The following TRPM8 variants were observed in gnomAD, a reference collection of about 807,000 sequenced individuals.
The protein encoded by TRPM8 is TRPM8 cationic channel.
TRPM8 carries 110 observed loss-of-function variants against 133.7 expected under a neutral mutation model. That is an observed-to-expected ratio of 0.82 (90% CI 0.70 to 0.96). The LOEUF is 0.96. TRPM8 is among the 40% of genes least tolerant of loss of function. The pLI is 0.00. For missense variants in TRPM8, 1,291 were observed against 1,379.5 expected (o/e 0.94, Z 1.02); for synonymous variants, 535 against 532.3 (o/e 1.01, Z -0.07).
At chr2:233,996,842 C>T (rs1692417372) in intron 22 of TRPM8, among the ~76,000 whole-genome samples, 1 of 152,188 alleles carries the variant, frequency 6.6e-6, no homozygotes, top group African/African-American at 2.4e-5. Context: ...TTTTGCTTTT[C>T]ATTGTTCCCG....
intron 15 of TRPM8, among the ~76,000 whole-genome samples, chr2:233,967,726 C>T (rs1017418724): frequency 5.3e-5 from 8 of 152,174 alleles, no homozygotes; most frequent in African/African-American, 1.4e-4. Flanking sequence ...ATGCGGAGAG[C>T]GTCTTGCTAT....
chr2:234,005,508 A>G (rs1443437677), intron 22 of TRPM8, among the ~76,000 whole-genome samples: 1 of 152,216 alleles, frequency 6.6e-6, no homozygotes, highest in Non-Finnish European at 1.5e-5. Flanking sequence ...AAGAAAAGAC[A>G]TTGAAACTTC....
chr2:233,918,040 AAAG>A (rs1253782213), intron 1 of TRPM8, among the ~76,000 whole-genome samples: 1 of 152,154 alleles, frequency 6.6e-6, no homozygotes, highest in Admixed American at 6.5e-5. Flanking sequence ...ATGAATAATT[AAAG>A]GTTTTATTTC....
rs1691898074 is a variant in TRPM8, at chr2:233,977,438, C to T, written c.2356-2750C>T. On this transcript the variant is annotated intron_variant, in intron 17 of 25. Coordinates refer to ENST00000324695, the MANE Select transcript of TRPM8 (RefSeq NM_024080.5). ...AGCCTCAGGATTGACCTATTTCCGA[C>T]GTCGCTCTTCATGTAGGTCAGGCTT... 2.0e-5 allele frequency among the ~76,000 whole-genome samples: 3 copies of T among 152,242 alleles called. No individual in the cohort carries two copies. In the South Asian group the frequency reaches 6.2e-4, roughly 32 times the overall value.
At chr2:233,987,687 C>T (rs1219786959) in intron 21 of TRPM8, among the ~76,000 whole-genome samples, 16 of 152,190 alleles carry the variant, frequency 1.1e-4, no homozygotes, top group Admixed American at 9.2e-4. Context: ...GGCTGTGTCC[C>T]CACCCAAATC....
chr2:233,922,451 TTC>T (rs1174408734), intron 1 of TRPM8, among the ~76,000 whole-genome samples: 1 of 152,204 alleles, frequency 6.6e-6, no homozygotes, highest in Non-Finnish European at 1.5e-5. Context: ...GCTCATTTAT[TTC>T]TCTTTGGTTC....
chr2:233,972,593 G>T (rs1377297176), intron 17 of TRPM8, among the ~76,000 whole-genome samples: 1 of 152,252 alleles, frequency 6.6e-6, no homozygotes, highest in Non-Finnish European at 1.5e-5. Context: ...ATGGTGGGCT[G>T]CAGGTCCCGA....
intron 17 of TRPM8, among the ~76,000 whole-genome samples, chr2:233,974,231 GT>G (rs1691806516): frequency 6.6e-6 from 1 of 151,854 alleles, no homozygotes; most frequent in African/African-American, 2.4e-5. Flanking sequence ...TTGTTTTTTA[GT>G]TTTTTTGTTG....
At chr2:233,936,006 C>T (rs888768004) in intron 3 of TRPM8, among the ~76,000 whole-genome samples, 2 of 152,066 alleles carry the variant, frequency 1.3e-5, no homozygotes, top group East Asian at 1.9e-4. Context: ...CATTGATTTG[C>T]ATGTAAGGCA....
At chr2:234,017,079 C>T (rs1692972700) in intron 25 of TRPM8, among the ~76,000 whole-genome samples, 1 of 152,030 alleles carries the variant, frequency 6.6e-6, no homozygotes, top group Non-Finnish European at 1.5e-5. Context: ...CAACCTTAGT[C>T]ACGCAGCTCA....
At chr2:233,931,106 T>A (rs1230082497) in intron 3 of TRPM8, among the ~76,000 whole-genome samples, 2 of 152,228 alleles carry the variant, frequency 1.3e-5, no homozygotes, top group Non-Finnish European at 2.9e-5. Flanking sequence ...TACTGGCTCC[T>A]CCGTCAGGCT....
chr2:233,969,965 C>T (rs1691668722), intron 16 of TRPM8, 158 bp downstream of exon 16: 2 of 682,512 alleles, frequency 2.9e-6, no homozygotes, highest in Admixed American at 2.7e-5. Flanking sequence ...CCTGACTTTT[C>T]CTGGGTTTCC....
Position 233,945,843 on chromosome 2 carries a change from C to T in TRPM8, c.700-13C>T. 1 of 1,605,240 alleles carries T rather than the reference C, an allele frequency of 6.2e-7. No individual in the cohort carries two copies. The highest frequency in any genetic ancestry group is 8.5e-7 in the Non-Finnish European group (1 of 1,173,088). On this transcript the variant is annotated splice_polypyrimidine_tract_variant and intron_variant, in intron 6 of 25. Transcript: ENST00000324695. ...AATACAATCTCAAAGACAAGTTTCC[C>T]TGTACTTTTCAGGGCTATTTTTTAG...
Position 233,939,178 on chromosome 2 carries a change from G to C in TRPM8, c.526+3G>C. 6.2e-7 allele frequency: 1 copy of C among 1,613,260 alleles called. No homozygotes were observed. On this transcript the variant is annotated splice_donor_region_variant and intron_variant, in intron 5 of 25. Coordinates refer to ENST00000324695, the MANE Select transcript of TRPM8 (RefSeq NM_024080.5). ...CATCTACATCGCGCAGTCCAAAGGTGAGGGTGGGAGCAGCGACCGCGGGTT... is the reference window on the plus strand; with the variant it reads ...CATCTACATCGCGCAGTCCAAAGGTCAGGGTGGGAGCAGCGACCGCGGGTT...
chr2:233,996,234 G>A, intron 21 of TRPM8, 92 bp from the exon 22 acceptor site: 1 of 1,183,514 alleles, frequency 8.4e-7, no homozygotes, highest in Non-Finnish European at 1.2e-6. Flanking sequence ...AGCTATTGCA[G>A]TAATAGCTTA....
intron 14 of TRPM8, chr2:233,966,025 T>C (rs1691561723): frequency 6.6e-6 from 1 of 152,586 alleles, no homozygotes; most frequent in Non-Finnish European, 1.5e-5. Flanking sequence ...ATTCTTTGTA[T>C]TTTTAGTAGA....
At chr2:233,974,549 G>T (rs193293581) in intron 17 of TRPM8, among the ~76,000 whole-genome samples, 2 of 152,218 alleles carry the variant, frequency 1.3e-5, no homozygotes, top group African/African-American at 2.4e-5. Context: ...GGTTTTGACT[G>T]GTCTGTGGAA....
intron 8 of TRPM8, among the ~76,000 whole-genome samples, chr2:233,948,273 T>A (rs146432155): frequency 6.6e-6 from 1 of 152,192 alleles, no homozygotes; most frequent in Non-Finnish European, 1.5e-5. Context: ...ACAATTGAGA[T>A]CATGGTTAAA....
At chr2:234,006,832 T>C (rs189583287) in intron 22 of TRPM8, 21 bp from the exon 23 acceptor site, 2 of 1,577,364 alleles carry the variant, frequency 1.3e-6, no homozygotes, top group Non-Finnish European at 1.7e-6. Flanking sequence ...TTTGAATGTT[T>C]TCTTTTTCTC....
Sources: allele counts gnomAD v4.1 joint callset (sites outside exome capture counted in the v4.1 genomes callset), GRCh38; gene constraint gnomAD v4.1.1; transcripts MANE v1.5; gene names NCBI Gene and HGNC (gene_info 2026-07-23, HGNC 2026-07-21).